The following DGKB variants were observed in gnomAD, a reference collection of about 807,000 sequenced individuals.
DGKB encodes diacylglycerol kinase beta.
DGKB carries 67 observed loss-of-function variants against 114.3 expected under a neutral mutation model. That is an observed-to-expected ratio of 0.59 (90% CI 0.48 to 0.72). DGKB has a LOEUF of 0.72. Among genes scored for constraint, DGKB ranks in the 30% least tolerant of loss-of-function variants. The pLI is 0.00. For synonymous variants in DGKB, 398 were observed against 323.1 expected, an observed-to-expected ratio of 1.23 and a Z score of -2.49; for missense variants, 907 against 975.2, an observed-to-expected ratio of 0.93 and a Z score of 0.93.
intron 23 of DGKB, among the ~76,000 whole-genome samples, chr7:14,303,496 C>G (rs1393886437): frequency 1.3e-5 from 2 of 151,950 alleles, no homozygotes; most frequent in Non-Finnish European, 2.9e-5. Flanking sequence ...AATTAAATAA[C>G]TTACCTGCCA....
intron 19 of DGKB, among the ~76,000 whole-genome samples, chr7:14,578,763 C>T (rs1217718986): frequency 6.6e-6 from 1 of 152,192 alleles, no homozygotes; most frequent in African/African-American, 2.4e-5. Flanking sequence ...TTATTTTCTA[C>T]CCCCAAATTA....
intron 6 of DGKB, among the ~76,000 whole-genome samples, chr7:14,705,609 C>A (rs1197818581): frequency 6.7e-6 from 1 of 149,588 alleles, no homozygotes; most frequent in Non-Finnish European, 1.5e-5. Flanking sequence ...AGACTAACAG[C>A]GGATCTCTCG....
chr7:14,440,174 T>C (rs913204499), intron 21 of DGKB, among the ~76,000 whole-genome samples: 1 of 152,094 alleles, frequency 6.6e-6, no homozygotes, highest in Admixed American at 6.6e-5. Flanking sequence ...AGCTGCTTGA[T>C]TGATCACAGG....
At chr7:14,343,198 C>CACAA (rs1320061315) in intron 22 of DGKB, among the ~76,000 whole-genome samples, 3 of 149,064 alleles carry the variant, frequency 2.0e-5, no homozygotes, top group Non-Finnish European at 4.5e-5. Flanking sequence ...CACACACACA[C>CACAA]AACAAGATAT....
intron 1 of DGKB, among the ~76,000 whole-genome samples, chr7:14,945,990 C>A (rs933792363): frequency 6.6e-6 from 1 of 151,250 alleles, no homozygotes; most frequent in Non-Finnish European, 1.5e-5. Flanking sequence ...TGAGATGCTG[C>A]GTAATTAAAT....
chr7:14,280,388 T>C (rs1219883397), intron 23 of DGKB, among the ~76,000 whole-genome samples: 5 of 152,030 alleles, frequency 3.3e-5, no homozygotes, highest in African/African-American at 1.2e-4. Flanking sequence ...GTCTGATTGG[T>C]GTACCTGAAA....
chr7:14,193,769 A>C (rs1488631594), intron 23 of DGKB, among the ~76,000 whole-genome samples: 1 of 151,812 alleles, frequency 6.6e-6, no homozygotes, highest in African/African-American at 2.4e-5. Flanking sequence ...AGCAAATGGG[A>C]GAAAATATAT....
intron 20 of DGKB, among the ~76,000 whole-genome samples, chr7:14,528,896 C>T (rs1032418638): frequency 2.0e-5 from 3 of 151,768 alleles, no homozygotes; most frequent in African/African-American, 7.3e-5. Flanking sequence ...TGTGATATGA[C>T]AAATAACTTG....
At chr7:14,929,877 C>A (rs1415946616) in intron 1 of DGKB, among the ~76,000 whole-genome samples, 2 of 152,074 alleles carry the variant, frequency 1.3e-5, no homozygotes, top group East Asian at 3.9e-4. Context: ...AGTCTTTAAT[C>A]CATTTTGAGT....
intron 23 of DGKB, among the ~76,000 whole-genome samples, chr7:14,294,868 C>G (rs1314980085): frequency 6.6e-6 from 1 of 152,132 alleles, no homozygotes; most frequent in Admixed American, 6.6e-5. Flanking sequence ...ATACAGACTA[C>G]ATAGGATTTA....
intron 20 of DGKB, among the ~76,000 whole-genome samples, chr7:14,488,848 A>C (rs7786353): frequency 0.024 from 3,577 of 146,556 alleles, 128 homozygotes; most frequent in African/African-American, 0.083. Flanking sequence ...AAAACAAAAA[A>C]AAACAAAAAA....
intron 23 of DGKB, among the ~76,000 whole-genome samples, chr7:14,208,417 C>G (rs902064757): frequency 1.8e-4 from 28 of 152,080 alleles, no homozygotes; most frequent in African/African-American, 6.0e-4. Flanking sequence ...TCTACTTAAT[C>G]TTCATGTTTG....
chr7:14,744,471 G>A (rs1241008469), intron 4 of DGKB, among the ~76,000 whole-genome samples: 1 of 152,078 alleles, frequency 6.6e-6, no homozygotes, highest in East Asian at 1.9e-4. Flanking sequence ...AGTAAAGAAT[G>A]TCACTTTCTA....
chr7:14,516,300 GAC>G (rs1429547975), intron 20 of DGKB, among the ~76,000 whole-genome samples: 4 of 152,034 alleles, frequency 2.6e-5, no homozygotes, highest in Non-Finnish European at 5.9e-5. Flanking sequence ...ATTGAACAAA[GAC>G]AAAAAATATG....
rs199798317 is a variant in DGKB, at chr7:14,487,250, T to G, written c.1771-9025A>C. 1.4e-3 allele frequency among the ~76,000 whole-genome samples: 213 copies of G among 152,318 alleles called. 1 individual carries two copies. Among genetic ancestry groups the G allele is most frequent in the African/African-American group, 4.9e-3 (204 of 41,568 alleles). ...TAACATGCTGCAAACAACACGCCTG[T>G]CCCTAGCAGTTTCCTCCGGTTTGCT... On this transcript the variant is annotated intron_variant, in intron 20 of 25. Coordinates refer to ENST00000402815, the MANE Select transcript of DGKB (RefSeq NM_001350709.2).
intron 21 of DGKB, among the ~76,000 whole-genome samples, chr7:14,381,001 G>C (rs1339922284): frequency 3.3e-5 from 5 of 152,324 alleles, no homozygotes; most frequent in African/African-American, 1.2e-4. Flanking sequence ...ACATGCAGAA[G>C]GTATGTGCTG....
intron 21 of DGKB, among the ~76,000 whole-genome samples, chr7:14,374,704 C>T (rs1045404335): frequency 3.9e-5 from 6 of 152,116 alleles, no homozygotes; most frequent in Non-Finnish European, 7.3e-5. Flanking sequence ...ACTCTCTTGC[C>T]GTACAGCAGG....
intron 1 of DGKB, among the ~76,000 whole-genome samples, chr7:14,930,680 G>C (rs996807694): frequency 1.3e-5 from 2 of 152,080 alleles, no homozygotes; most frequent in Non-Finnish European, 2.9e-5. Flanking sequence ...CTCTTTTCCA[G>C]TTTGTATGCC....
chr7:14,335,886 T>C (rs1810560406), intron 23 of DGKB, among the ~76,000 whole-genome samples: 1 of 152,094 alleles, frequency 6.6e-6, no homozygotes, highest in Non-Finnish European at 1.5e-5. Flanking sequence ...TCTGAGTAGT[T>C]GGGACTGTAG....
Sources: allele counts gnomAD v4.1 joint callset (sites outside exome capture counted in the v4.1 genomes callset), GRCh38; gene constraint gnomAD v4.1.1; transcripts MANE v1.5; gene names NCBI Gene and HGNC (gene_info 2026-07-23, HGNC 2026-07-21).